Variants in TARS1 observed in about 807,000 individuals in gnomAD.
TARS1 encodes threonine--tRNA ligase 1, cytoplasmic.
TARS1 carries 57 observed loss-of-function variants against 97.7 expected under a neutral mutation model. That is an observed-to-expected ratio of 0.58 (90% CI 0.47 to 0.73). TARS1 has a LOEUF of 0.73. Among genes scored for constraint, TARS1 ranks in the 30% least tolerant of loss-of-function variants. TARS1 has a pLI of 0.00. For missense variants in TARS1, 806 were observed against 888.3 expected, an observed-to-expected ratio of 0.91 and a Z score of 1.18; for synonymous variants, 312 against 293.7, an observed-to-expected ratio of 1.06 and a Z score of -0.64.
intron 17 of TARS1, among the ~76,000 whole-genome samples, chr5:33,465,099 T>A (rs1561080084): frequency 1.3e-5 from 2 of 151,610 alleles, no homozygotes; most frequent in Admixed American, 6.6e-5. Flanking sequence ...AATAAATAAA[T>A]AAAAAAAATG....
intron 11 of TARS1, 75 bp downstream of exon 11, chr5:33,459,936 C>A: frequency 1.3e-6 from 2 of 1,489,788 alleles, no homozygotes; most frequent in South Asian, 1.3e-5. Flanking sequence ...CCTCCTTTAA[C>A]AACATTTTCA....
intron 3 of TARS1, chr5:33,452,248 C>T: frequency 1.0e-6 from 1 of 975,282 alleles, no homozygotes; most frequent in South Asian, 1.4e-5. Context: ...TGTTGCCTAC[C>T]TTCGTTGAGA....
In TARS1 at chr5:33,440,971, A is replaced by G; in HGVS notation, c.-116A>G. The G allele has an allele frequency of 7.5e-7, 1 of 1,326,314 alleles. No individual in the cohort carries two copies. The highest frequency in any genetic ancestry group is 1.1e-6 in the Non-Finnish European group (1 of 945,648). The allele number at this position is 1,326,314 out of a possible 1,614,324, so 82.2% of individuals were successfully genotyped here. Reference sequence around the variant, plus strand: ...CGGGGTTAGGGCGCCTTTCGATTGCATCAGCTGGTCCAGCCGAGGCCAAGT... The same window carrying G: ...CGGGGTTAGGGCGCCTTTCGATTGCGTCAGCTGGTCCAGCCGAGGCCAAGT... On this transcript the variant is annotated 5_prime_UTR_variant, in exon 1 of 19. Coordinates refer to ENST00000265112, the MANE Select transcript of TARS1 (RefSeq NM_152295.5).
At position 33,460,941 on chromosome 5, in the gene TARS1, G is replaced by A. The variant is rs748492109; in HGVS notation, c.1290G>A (p.Leu430=). The A allele has an allele frequency of 4.1e-5, 66 of 1,613,984 alleles. No homozygotes were observed. The highest frequency in any genetic ancestry group is 4.9e-5 in the Non-Finnish European group (58 of 1,180,034). ...ATCGGCCAAGGTCCTGGCGAGAACTGCCTCTGCGGCTAGCTGATTTTGGGG... is the reference window on the plus strand; with the variant it reads ...ATCGGCCAAGGTCCTGGCGAGAACTACCTCTGCGGCTAGCTGATTTTGGGG... ...FDHRPRSWRE[L]PLRLADFGVL... is the part of the protein sequence containing the mutation. The change falls in exon 12 of 19, where the codon CTG becomes CTA. Residue 430 remains leucine, a synonymous_variant. Transcript: ENST00000265112.
rs57691465 is a variant in TARS1 at position 33,449,445 on chromosome 5, C to CTTTTTTTTT, written c.329+731_329+739dup. Among the ~76,000 whole-genome samples, 337 of 69,164 alleles carry CTTTTTTTTT rather than the reference C, an allele frequency of 4.9e-3. 12 individuals carry two copies. Among genetic ancestry groups the CTTTTTTTTT allele is most frequent in the East Asian group, 0.025 (55 of 2,200 alleles). 45.4% of individuals were successfully genotyped at this position (69,164 alleles called of 152,430 possible). A position where few individuals can be genotyped will look rare whatever the true frequency, so the allele number is the denominator to read the frequency against. On this transcript the variant is annotated intron_variant, in intron 3 of 18. Transcript: ENST00000265112. ...AATAAAAATGATTCTTTTTTTCTTT[C>CTTTTTTTTT]TTTTTTTTTTTTTTTTTTTTTTTTT...
intron 4 of TARS1, 29 bp from the exon 5 acceptor site, chr5:33,454,916 G>A: frequency 6.2e-7 from 1 of 1,611,162 alleles, no homozygotes; most frequent in Non-Finnish European, 8.5e-7. Context: ...CCAAGACTCA[G>A]ACCATGCCAT....
intron 2 of TARS1, 106 bp from the exon 3 acceptor site, chr5:33,448,435 A>C (rs982681790): frequency 3.1e-6 from 3 of 955,056 alleles, no homozygotes; most frequent in Non-Finnish European, 2.9e-6. Context: ...ACATTGAATC[A>C]ATAGTCCTGG....
intron 4 of TARS1, 151 bp from the exon 5 acceptor site, chr5:33,454,794 G>A (rs1741929620): frequency 2.1e-6 from 2 of 941,520 alleles, no homozygotes; most frequent in South Asian, 2.4e-5. Context: ...GCTATGGATA[G>A]AAACAGTAGT....
At chr5:33,452,316 G>T in intron 3 of TARS1, 1 of 1,505,050 alleles carries the variant, frequency 6.6e-7, no homozygotes, top group South Asian at 1.2e-5. Flanking sequence ...GTATAATCTG[G>T]CTCACCTACT....
chr5:33,455,926 C>A, intron 6 of TARS1, 76 bp from the exon 7 acceptor site: 1 of 1,281,318 alleles, frequency 7.8e-7, no homozygotes, highest in Non-Finnish European at 1.1e-6. Flanking sequence ...TCATACAGTG[C>A]TACGTTTTAG....
intron 1 of TARS1, among the ~76,000 whole-genome samples, chr5:33,444,673 T>C (rs184835938): frequency 6.6e-6 from 1 of 152,368 alleles, no homozygotes; most frequent in Admixed American, 6.5e-5. Flanking sequence ...AATTTTAACA[T>C]TTCTGACAAC....
intron 1 of TARS1, chr5:33,441,421 A>G (rs1345232052): frequency 1.2e-5 from 5 of 410,334 alleles, no homozygotes; most frequent in South Asian, 3.7e-5. Context: ...CCTCACATCT[A>G]CAGTAGTTAG....
In TARS1 at chr5:33,441,258, C is replaced by T. The variant is rs978326451; in HGVS notation, c.57+115C>T. 3.1e-6 allele frequency: 4 copies of T among 1,292,744 alleles called. No individual in the cohort carries two copies. The South Asian group carries it at 3.7e-5, about 12-fold the overall frequency. The allele number at this position is 1,292,744 out of a possible 1,614,324, so 80.1% of individuals were successfully genotyped here. A position where few individuals can be genotyped will look rare whatever the true frequency, so the allele number is the denominator to read the frequency against. On this transcript the variant is annotated intron_variant, in intron 1 of 18. Transcript: ENST00000265112. Reference sequence around the variant, plus strand: ...AGGAAGCGGCCGGGACCGCGTGGGTCGGAGAAGTGGGGGATGGTGGGACTC... The same window carrying T: ...AGGAAGCGGCCGGGACCGCGTGGGTTGGAGAAGTGGGGGATGGTGGGACTC...
At chr5:33,467,428 C>G in intron 18 of TARS1, 132 bp from the exon 19 acceptor site, 1 of 993,336 alleles carries the variant, frequency 1.0e-6, no homozygotes, top group East Asian at 2.8e-5. Context: ...CACATGGTCA[C>G]TTGTACCTTT....
chr5:33,464,125 C>T (rs184939353), intron 17 of TARS1, among the ~76,000 whole-genome samples: 2 of 152,290 alleles, frequency 1.3e-5, no homozygotes, highest in African/African-American at 4.8e-5. Context: ...AGTCATGGCT[C>T]ACTGTAACCT....
At position 33,466,870 on chromosome 5, in the gene TARS1, G is replaced by C; in HGVS notation, c.1909-1G>C. On this transcript the variant is annotated splice_acceptor_variant, in intron 17 of 18. Coordinates refer to ENST00000265112, the MANE Select transcript of TARS1 (RefSeq NM_152295.5). LOFTEE classifies it high-confidence loss of function. ...CAAATTCTGTATCTCTGTTACAATAGGTACGACAACAATTCCACGATGCCA... is the reference window on the plus strand; with the variant it reads ...CAAATTCTGTATCTCTGTTACAATACGTACGACAACAATTCCACGATGCCA... 3.1e-6 allele frequency: 5 copies of C among 1,589,124 alleles called. No homozygotes were observed. The highest frequency in any genetic ancestry group is 4.3e-6 in the Non-Finnish European group (5 of 1,167,280).
In TARS1 at chr5:33,452,419, A is replaced by G. The variant is rs948964574; in HGVS notation, c.330-870A>G. Reference sequence around the variant, plus strand: ...TGGCCATTCCCTCATCTGGAATGCCATGGCCTCCTCTTTTCTTCCTGTGAG... The same window carrying G: ...TGGCCATTCCCTCATCTGGAATGCCGTGGCCTCCTCTTTTCTTCCTGTGAG... On this transcript the variant is annotated intron_variant, in intron 3 of 18. Transcript: ENST00000265112. 27 of 1,535,164 alleles carry G rather than the reference A, an allele frequency of 1.8e-5. No homozygotes were observed. In the African/African-American group the frequency reaches 3.7e-4, roughly 21 times the overall value.
chr5:33,449,445 CTTTTTTTTTTTTT>C (rs57691465), intron 3 of TARS1, among the ~76,000 whole-genome samples: 3 of 69,160 alleles, frequency 4.3e-5, no homozygotes, highest in African/African-American at 1.7e-4. Context: ...TTTTTTCTTT[CTTTTTTTTTTTTT>C]TTTTTTTTTT....
rs529717303 is a variant in TARS1, at chr5:33,443,555, C to G, written c.58-1769C>G. ...TCTCCCAGGCTGGAGTGCAGTGGCGCGATCTCTGCTCACTGCAAGCTCCGC... is the reference window on the plus strand; with the variant it reads ...TCTCCCAGGCTGGAGTGCAGTGGCGGGATCTCTGCTCACTGCAAGCTCCGC... On this transcript the variant is annotated intron_variant, in intron 1 of 18. Coordinates refer to ENST00000265112, the MANE Select transcript of TARS1 (RefSeq NM_152295.5). Among the ~76,000 whole-genome samples the G allele has an allele frequency of 1.5e-4, 23 of 149,056 alleles. No individual in the cohort carries two copies. The South Asian group carries it at 2.3e-3, about 15-fold the overall frequency.
Sources: gnomAD v4.1 joint callset for allele counts (sites outside exome capture counted in the v4.1 genomes callset) on GRCh38, gnomAD v4.1.1 for gene constraint, MANE v1.5 for transcripts, NCBI Gene and HGNC (gene_info 2026-07-23, HGNC 2026-07-21) for gene names.